CDH15: variants seen among roughly 807,000 people sequenced by gnomAD.
CDH15 encodes cadherin-15.
CDH15 carries 73 observed loss-of-function variants against 69.4 expected under a neutral mutation model. That is an observed-to-expected ratio of 1.05 (90% CI 0.87 to 1.28). The LOEUF (loss-of-function observed/expected upper bound fraction) is 1.28, where lower values mean the gene tolerates loss of function less well. Among genes scored for constraint, CDH15 ranks in the 50% most tolerant of loss-of-function variants. CDH15 has a pLI of 0.00. For synonymous variants in CDH15, 624 were observed against 507.7 expected (o/e 1.23, Z -3.08); for missense variants, 1,343 against 1,133.6 (o/e 1.18, Z -2.65).
chr16:89,180,564 A>C (rs1427859553), intron 3 of CDH15, among the ~76,000 whole-genome samples: 2 of 152,180 alleles, frequency 1.3e-5, no homozygotes, highest in African/African-American at 4.8e-5. Flanking sequence ...TTATGTGCCC[A>C]TTTAACTGGA....
intron 5 of CDH15, among the ~76,000 whole-genome samples, chr16:89,186,351 C>A (rs562981531): frequency 7.2e-6 from 1 of 138,866 alleles, no homozygotes; most frequent in African/African-American, 2.8e-5. Flanking sequence ...GCTCACCCAG[C>A]GCACAGAAGG....
Position 89,187,511 on chromosome 16 carries a change from C to G in CDH15, c.746C>G (p.Thr249Ser), listed in dbSNP as rs1361874884. The G allele has an allele frequency of 3.7e-6, 6 of 1,613,540 alleles. No individual in the cohort carries two copies. Among genetic ancestry groups the G allele is most frequent in the Non-Finnish European group, 4.2e-6 (5 of 1,179,934 alleles). Residue 249 changes from threonine (T) to serine (S), a missense_variant, in exon 6 of 14, where the codon ACC becomes AGC. Physicochemically the swap from Thr to Ser is moderately conservative, Grantham distance 58. Coordinates refer to ENST00000289746, the MANE Select transcript of CDH15 (RefSeq NM_004933.3). ...GLTATASAIITLDDINDNAPE... is the reference protein window; with the variant it reads ...GLTATASAIISLDDINDNAPE... ...ACAGCCACTGCCTCAGCCATCATCA[C>G]CCTTGATGACATCAATGACAATGCC...
chr16:89,191,811 C>T lies in CDH15; in HGVS notation c.1532C>T (p.Pro511Leu), dbSNP rs1405913999. 2.5e-6 allele frequency: 4 copies of T among 1,605,200 alleles called. No individual in the cohort carries two copies. The highest frequency in any genetic ancestry group is 3.4e-6 in the Non-Finnish European group (4 of 1,179,322). The change falls in exon 10 of 14, where the codon CCC becomes CTC. Residue 511 changes from proline to leucine, a missense_variant. Physicochemically the swap from Pro to Leu is moderately conservative, Grantham distance 98. Transcript: ENST00000289746. ...CTGGGCGCCACGGATGAGGACCTGC[C>T]CCCCCACGGGGCCCCCTTCCACTTC... is the stretch of plus-strand genomic sequence containing the variant. ...LLLGATDEDLPPHGAPFHFQL... is the reference protein window; with the variant it reads ...LLLGATDEDLLPHGAPFHFQL...
At chr16:89,176,528 G>A (rs561186512) in intron 1 of CDH15, among the ~76,000 whole-genome samples, 1 of 152,324 alleles carries the variant, frequency 6.6e-6, no homozygotes, top group African/African-American at 2.4e-5. Context: ...CACCAGGGCC[G>A]ACTCGGTGCT....
At chr16:89,174,530 G>A (rs729202) in intron 1 of CDH15, among the ~76,000 whole-genome samples, 7,334 of 152,238 alleles carry the variant, frequency 0.048, 262 homozygotes, top group East Asian at 0.12. Context: ...TGCAGCAAGC[G>A]CCCAGTGTGT....
intron 13 of CDH15, 87 bp downstream of exon 13, chr16:89,194,000 A>G: frequency 3.5e-6 from 5 of 1,437,218 alleles, no homozygotes; most frequent in Non-Finnish European, 4.8e-6. Flanking sequence ...ACATGCATGC[A>G]AGAACCGGCG....
rs1260530966 is a variant in CDH15 at position 89,191,737 on chromosome 16, G to A, written c.1458G>A (p.Pro486=). The A allele has an allele frequency of 6.2e-6, 10 of 1,604,106 alleles. No individual in the cohort carries two copies. The highest frequency in any genetic ancestry group is 3.3e-5 in the Admixed American group (2 of 59,850). The change falls in exon 10 of 14, where the codon CCG becomes CCA. Residue 486 remains proline (P), a synonymous_variant. Transcript: ENST00000289746. ...VNDHAPVLAP[P]PPGSLCSEPH... is the part of the protein sequence containing the mutation. ...ACCATGCACCTGTGCTGGCCCCGCCGCCGCCGGGCAGCCTGTGCAGCGAGC... is the reference window on the plus strand; with the variant it reads ...ACCATGCACCTGTGCTGGCCCCGCCACCGCCGGGCAGCCTGTGCAGCGAGC...
At chr16:89,173,499 G>C (rs1915198835) in intron 1 of CDH15, among the ~76,000 whole-genome samples, 1 of 152,158 alleles carries the variant, frequency 6.6e-6, no homozygotes, top group Non-Finnish European at 1.5e-5. Flanking sequence ...CCGACAGCTG[G>C]AGGCTGGGGG....
In CDH15 at chr16:89,193,562, A is replaced by G. The variant is rs1036332204; in HGVS notation, c.1948A>G (p.Asn650Asp). ...CGGCCCCCAGGACGACCTTCGAGACAATGTCCTCAACTACGATGAGCAAGG... is the reference window on the plus strand; with the variant it reads ...CGGCCCCCAGGACGACCTTCGAGACGATGTCCTCAACTACGATGAGCAAGG... ...LHGPQDDLRD[N>D]VLNYDEQGGG... The change falls in exon 12 of 14, where the codon AAT (asparagine) becomes GAT (aspartate). Residue 650 changes from asparagine (N) to aspartate (D), a missense_variant. Asn to Asp is a conservative substitution (Grantham distance 23). Transcript: ENST00000289746. The G allele has an allele frequency of 4.3e-6, 7 of 1,610,394 alleles. No homozygotes were observed. Among genetic ancestry groups the G allele is most frequent in the South Asian group, 1.1e-5 (1 of 90,480 alleles).
chr16:89,185,404 C>A (rs1483792894), intron 5 of CDH15, 71 bp downstream of exon 5: 5 of 1,484,338 alleles, frequency 3.4e-6, no homozygotes, highest in South Asian at 1.2e-5. Context: ...TCCCTCTGCC[C>A]CCAGCCTGCC....
At chr16:89,177,506 C>T (rs986995935) in intron 1 of CDH15, among the ~76,000 whole-genome samples, 56 of 152,022 alleles carry the variant, frequency 3.7e-4, no homozygotes, top group Non-Finnish European at 2.6e-4. Context: ...AGAGAAAGGC[C>T]GGGAGCCTGG....
chr16:89,177,600 G>T (rs1239693324), intron 1 of CDH15, among the ~76,000 whole-genome samples: 2 of 152,056 alleles, frequency 1.3e-5, no homozygotes, highest in Non-Finnish European at 2.9e-5. Flanking sequence ...GGGGATGGGA[G>T]AGGGCAGCCC....
At chr16:89,180,437 C>T in intron 3 of CDH15, 82 bp downstream of exon 3, 1 of 1,464,574 alleles carries the variant, frequency 6.8e-7, no homozygotes, top group South Asian at 1.2e-5. Flanking sequence ...CCAGGCTTCT[C>T]CTCCCCGCTC....
intron 1 of CDH15, among the ~76,000 whole-genome samples, chr16:89,173,116 C>A (rs921375665): frequency 2.0e-5 from 3 of 152,182 alleles, no homozygotes; most frequent in Non-Finnish European, 4.4e-5. Context: ...CCGACTCCCC[C>A]ATCTGGAGAC....
intron 3 of CDH15, 68 bp from the exon 4 acceptor site, chr16:89,183,480 C>A: frequency 6.3e-7 from 1 of 1,577,624 alleles, no homozygotes; most frequent in Non-Finnish European, 8.7e-7. Flanking sequence ...GTCTCTTTCG[C>A]ATGGCCCTAA....
chr16:89,191,899 G>A lies in CDH15; in HGVS notation c.1615+5G>A, dbSNP rs1179286148. ...GGAGCCTCAGCCAGGTCAACGGTGC[G>A]CTCCCCTCACCGCCGCGCTCCCCCC... On this transcript the variant is annotated splice_donor_5th_base_variant and intron_variant, in intron 10 of 13. Coordinates refer to ENST00000289746, the MANE Select transcript of CDH15 (RefSeq NM_004933.3). The A allele has an allele frequency of 6.4e-7, 1 of 1,554,934 alleles. No individual in the cohort carries two copies. Among genetic ancestry groups the A allele is most frequent in the South Asian group, 1.2e-5 (1 of 85,606 alleles).
chr16:89,179,915 C>T (rs980548903), intron 2 of CDH15, among the ~76,000 whole-genome samples: 1 of 152,196 alleles, frequency 6.6e-6, no homozygotes, highest in Non-Finnish European at 1.5e-5. Context: ...AACTGCCTTG[C>T]GTGGGCCTCA....
intron 8 of CDH15, 73 bp from the exon 9 acceptor site, chr16:89,191,257 G>C: frequency 1.3e-6 from 2 of 1,569,388 alleles, no homozygotes; most frequent in Non-Finnish European, 8.7e-7. Context: ...TGCATGTCAC[G>C]CACCCATACC....
At position 89,180,162 on chromosome 16, in the gene CDH15, C is replaced by T. The variant is rs202139299; in HGVS notation, c.202-38C>T. On this transcript the variant is annotated intron_variant, in intron 2 of 13. Transcript: ENST00000289746. ...TGCAGAGAGGGCAGAGGCCCCCGCC[C>T]GGAGCAGCTCTCCCCAAACCCATTT... 8.7e-6 allele frequency: 14 copies of T among 1,607,044 alleles called. No individual in the cohort carries two copies. In the African/African-American group the frequency reaches 1.1e-4, roughly 12 times the overall value.
Sources: gnomAD v4.1 joint callset for allele counts (sites outside exome capture counted in the v4.1 genomes callset) on GRCh38, gnomAD v4.1.1 for gene constraint, MANE v1.5 for transcripts, NCBI Gene and HGNC (gene_info 2026-07-23, HGNC 2026-07-21) for gene names.